The following C3orf49 variants were observed in gnomAD, a reference collection of about 807,000 sequenced individuals.
C3orf49 encodes the protein chromosome 3 open reading frame 49, also known as putative uncharacterized protein C3orf49.
Under a neutral mutation model 13.3 loss-of-function variants are expected in C3orf49, and 27 were observed. The ratio of observed to expected loss-of-function variants is 2.02; its 90% CI spans 1.49 to 2.79. C3orf49 has a LOEUF of 2.79. Among genes scored for constraint, C3orf49 ranks in the 30% most tolerant of loss-of-function variants. The pLI is 0.00. For synonymous variants in C3orf49, 87 were observed against 47.6 expected, an observed-to-expected ratio of 1.83 and a Z score of -3.40; for missense variants, 242 against 134.2, an observed-to-expected ratio of 1.80 and a Z score of -3.97.
intron 5 of C3orf49, among the ~76,000 whole-genome samples, chr3:63,843,189 G>T (rs1470938775): frequency 6.6e-6 from 1 of 152,050 alleles, no homozygotes; most frequent in East Asian, 1.9e-4. Flanking sequence ...CATGATCTCG[G>T]CTTACTGCAA....
the C3orf49 span, among the ~76,000 whole-genome samples, chr3:63,781,157 A>G: frequency 5.6e-4 from 83 of 148,926 alleles, no homozygotes; most frequent in East Asian, 3.8e-3. Context: ...ATCTTGAATT[A>G]ATTTTTGTAT....
chr3:63,842,286 G>C (rs1301226433), intron 5 of C3orf49, among the ~76,000 whole-genome samples: 3 of 152,088 alleles, frequency 2.0e-5, no homozygotes, highest in Admixed American at 6.6e-5. Flanking sequence ...CACTGAGAGA[G>C]GCTATTATCA....
the C3orf49 span, among the ~76,000 whole-genome samples, chr3:63,809,176 C>T: frequency 6.6e-6 from 1 of 152,132 alleles, no homozygotes; most frequent in Admixed American, 6.5e-5. Flanking sequence ...ATTTCTGAAC[C>T]ATAAAATTTG....
chr3:63,790,377 T>A, the C3orf49 span, among the ~76,000 whole-genome samples: 2 of 152,162 alleles, frequency 1.3e-5, no homozygotes, highest in African/African-American at 4.8e-5. Flanking sequence ...CTGACCAAAG[T>A]AATGTTTATG....
intron 3 of C3orf49, among the ~76,000 whole-genome samples, chr3:63,828,301 G>C (rs1701492086): frequency 6.6e-6 from 1 of 152,082 alleles, no homozygotes; most frequent in Admixed American, 6.6e-5. Context: ...GGTTTTGTTT[G>C]TGTGTTTGTT....
chr3:63,847,869 C>T (rs1001990412), intron 6 of C3orf49, among the ~76,000 whole-genome samples: 5 of 152,150 alleles, frequency 3.3e-5, no homozygotes, highest in Non-Finnish European at 7.3e-5. Context: ...TGAATGGACA[C>T]CCATTCAATA....
intron 5 of C3orf49, among the ~76,000 whole-genome samples, chr3:63,842,540 C>T (rs1386039663): frequency 6.6e-6 from 1 of 152,168 alleles, no homozygotes; most frequent in Non-Finnish European, 1.5e-5. Context: ...GAAATAGTGT[C>T]TTCTGCAGCA....
At chr3:63,825,150 C>T (rs980252422) in intron 2 of C3orf49, among the ~76,000 whole-genome samples, 1 of 152,164 alleles carries the variant, frequency 6.6e-6, no homozygotes, top group African/African-American at 2.4e-5. Context: ...CATACATCCA[C>T]CATAATTTCA....
chr3:63,790,753 G>C, the C3orf49 span, among the ~76,000 whole-genome samples: 14 of 152,106 alleles, frequency 9.2e-5, no homozygotes, highest in South Asian at 2.1e-4. Flanking sequence ...AGGTTCTCTT[G>C]CAGCTCAGTG....
At chr3:63,834,327 T>A in intron 5 of C3orf49, 1 of 851,002 alleles carries the variant, frequency 1.2e-6, no homozygotes, top group Non-Finnish European at 1.8e-6. Context: ...ACTAGTTGAA[T>A]CAAACTTTAA....
intron 5 of C3orf49, chr3:63,838,337 A>G: frequency 7.3e-7 from 1 of 1,364,810 alleles, no homozygotes; most frequent in Non-Finnish European, 1.0e-6. Flanking sequence ...ACCATAAAAA[A>G]TAAAATTACA....
chr3:63,813,558 G>T, the C3orf49 span, among the ~76,000 whole-genome samples: 3 of 151,846 alleles, frequency 2.0e-5, no homozygotes, highest in African/African-American at 7.3e-5. Flanking sequence ...AAAAACAAAT[G>T]AAAAAAAGGC....
the C3orf49 span, among the ~76,000 whole-genome samples, chr3:63,804,575 A>C: frequency 1.3e-5 from 2 of 152,086 alleles, no homozygotes; most frequent in Non-Finnish European, 2.9e-5. Context: ...ATTGCTTTTC[A>C]TGTAGCTCTT....
At chr3:63,811,660 T>A in the C3orf49 span, among the ~76,000 whole-genome samples, 2 of 151,508 alleles carry the variant, frequency 1.3e-5, no homozygotes, top group African/African-American at 4.8e-5. Flanking sequence ...GGTGGGAAGA[T>A]CACCTGCGCC....
chr3:63,792,710 T>C, the C3orf49 span, among the ~76,000 whole-genome samples: 1,986 of 152,292 alleles, frequency 0.013, 39 homozygotes, highest in African/African-American at 0.043. Context: ...TATAGGAGCA[T>C]TGATATGTCT....
intron 5 of C3orf49, among the ~76,000 whole-genome samples, chr3:63,840,588 C>T (rs1559603818): frequency 6.6e-6 from 1 of 152,138 alleles, no homozygotes; most frequent in Non-Finnish European, 1.5e-5. Flanking sequence ...AAGCGAGATG[C>T]TGTCTCCAAA....
At chr3:63,822,211 G>A (rs561994488) in intron 1 of C3orf49, among the ~76,000 whole-genome samples, 20 of 152,228 alleles carry the variant, frequency 1.3e-4, no homozygotes, top group Non-Finnish European at 2.1e-4. Flanking sequence ...TCCTGACCTC[G>A]TGATCCGCCT....
chr3:63,806,591 C>G, the C3orf49 span, among the ~76,000 whole-genome samples: 1 of 152,192 alleles, frequency 6.6e-6, no homozygotes, highest in South Asian at 2.1e-4. Context: ...GATCCCTGCT[C>G]GTGTCTCTGG....
chr3:63,823,174 T>C, intron 1 of C3orf49, 76 bp from the exon 2 acceptor site: 1 of 596,746 alleles, frequency 1.7e-6, no homozygotes, highest in Non-Finnish European at 3.0e-6. Context: ...CATTTGAAGT[T>C]TGTGTTTTAA....
Sources: allele counts gnomAD v4.1 joint callset (sites outside exome capture counted in the v4.1 genomes callset), GRCh38; gene constraint gnomAD v4.1.1; transcripts MANE v1.5; gene names NCBI Gene and HGNC (gene_info 2026-07-23, HGNC 2026-07-21).